ESRRG: variants seen among roughly 807,000 people sequenced by gnomAD.
ESRRG encodes the protein estrogen-related receptor gamma.
ESRRG carries 13 observed loss-of-function variants against 44.0 expected under a neutral mutation model. That is an observed-to-expected ratio of 0.30 (90% CI 0.19 to 0.47). The LOEUF (loss-of-function observed/expected upper bound fraction) is 0.47, where lower values mean the gene tolerates loss of function less well. ESRRG is among the 20% of genes least tolerant of loss of function. The pLI, the probability that ESRRG is intolerant of heterozygous loss-of-function variation, is 1.00. For synonymous variants in ESRRG, 215 were observed against 214.6 expected (o/e 1.00, Z -0.02); for missense variants, 395 against 580.6 (o/e 0.68, Z 3.29).
intron 3 of ESRRG, among the ~76,000 whole-genome samples, chr1:216,626,454 C>A (rs34784732): frequency 6.6e-6 from 1 of 152,190 alleles, no homozygotes; most frequent in Non-Finnish European, 1.5e-5. Context: ...TCTTCTAGCA[C>A]ACCATCCTGC....
intron 2 of ESRRG, among the ~76,000 whole-genome samples, chr1:216,885,083 T>G (rs968172588): frequency 3.3e-5 from 5 of 151,948 alleles, no homozygotes; most frequent in African/African-American, 1.2e-4. Context: ...CTATTCCAAG[T>G]AGGAGGAGAA....
At chr1:216,769,179 T>C (rs1238262399) in intron 2 of ESRRG, among the ~76,000 whole-genome samples, 1 of 151,692 alleles carries the variant, frequency 6.6e-6, no homozygotes, top group Non-Finnish European at 1.5e-5. Context: ...TTGAGGAGAG[T>C]GAAGACCATT....
chr1:216,849,153 T>C (rs2095804023), intron 2 of ESRRG, among the ~76,000 whole-genome samples: 1 of 152,196 alleles, frequency 6.6e-6, no homozygotes, highest in Non-Finnish European at 1.5e-5. Context: ...AAATAATCTC[T>C]AATCATTCTT....
chr1:216,932,015 C>T (rs2063421667), intron 2 of ESRRG, among the ~76,000 whole-genome samples: 1 of 151,994 alleles, frequency 6.6e-6, no homozygotes, highest in Admixed American at 6.6e-5. Context: ...ACCAGCCTGG[C>T]CAACATGGTG....
At chr1:216,991,023 C>T (rs1225099771) in intron 1 of ESRRG, among the ~76,000 whole-genome samples, 3 of 152,004 alleles carry the variant, frequency 2.0e-5, no homozygotes, top group Admixed American at 6.6e-5. Flanking sequence ...GAGGCGAGCA[C>T]TACCATCTGA....
chr1:216,942,732 T>C (rs1176760130), intron 1 of ESRRG, among the ~76,000 whole-genome samples: 2 of 152,202 alleles, frequency 1.3e-5, no homozygotes, highest in Non-Finnish European at 2.9e-5. Context: ...TGTCTGTTTA[T>C]GTTCTTAGCC....
At chr1:217,093,810 A>G (rs912529475), upstream of ESRRG, among the ~76,000 whole-genome samples, 8 of 151,644 alleles carry the variant, frequency 5.3e-5, no homozygotes, top group Admixed American at 1.3e-4. Flanking sequence ...ACACACATAT[A>G]AAAACCCTAC....
At chr1:216,975,639 A>G (rs564491077) in intron 1 of ESRRG, among the ~76,000 whole-genome samples, 1 of 152,354 alleles carries the variant, frequency 6.6e-6, no homozygotes, top group Non-Finnish European at 1.5e-5. Flanking sequence ...TTCAATTCTC[A>G]ACCTTTATAT....
chr1:216,831,764 A>G (rs2095491098), intron 2 of ESRRG, among the ~76,000 whole-genome samples: 1 of 152,192 alleles, frequency 6.6e-6, no homozygotes, highest in Admixed American at 6.5e-5. Flanking sequence ...AGGATTCCTG[A>G]TTACTAAGAC....
At chr1:216,689,806 G>A (rs1462214844) in intron 1 of ESRRG, among the ~76,000 whole-genome samples, 2 of 150,114 alleles carry the variant, frequency 1.3e-5, no homozygotes. Context: ...AGATTATACA[G>A]ATGAAAAAAC....
chr1:216,714,986 C>T (rs911047472), intron 1 of ESRRG: 1 of 638,250 alleles, frequency 1.6e-6, no homozygotes, highest in African/African-American at 2.0e-5. Context: ...TCTGCCTGAG[C>T]TTCTGTGCAT....
rs1051415816 is a variant in ESRRG, at chr1:216,614,151, G to C, written c.589+36822C>G. Among the ~76,000 whole-genome samples, 3 of 152,190 alleles carry C rather than the reference G, an allele frequency of 2.0e-5. No homozygotes were observed. In the East Asian group the frequency reaches 5.8e-4, roughly 29 times the overall value. On this transcript the variant is annotated intron_variant, in intron 3 of 6. Coordinates refer to ENST00000408911, the MANE Select transcript of ESRRG (RefSeq NM_001438.4). ...AAAACAGATCAGCAGTGCAGTGCAT[G>C]GGCAGGTGGCTCCCACCACCACTCT...
intron 5 of ESRRG, among the ~76,000 whole-genome samples, chr1:216,562,508 G>A (rs909647170): frequency 6.6e-6 from 1 of 151,940 alleles, no homozygotes; most frequent in South Asian, 2.1e-4. Context: ...AGGCTGGGGC[G>A]ATTTTATCTC....
chr1:216,702,843 G>A (rs538346939), intron 1 of ESRRG, among the ~76,000 whole-genome samples: 224 of 149,432 alleles, frequency 1.5e-3, no homozygotes, highest in African/African-American at 5.2e-3. Context: ...GTGAAATCAT[G>A]TACATGTGAA....
chr1:216,778,713 C>G (rs1190549961), intron 2 of ESRRG, among the ~76,000 whole-genome samples: 1 of 151,946 alleles, frequency 6.6e-6, no homozygotes. Flanking sequence ...CAAAATTGTA[C>G]TACTTGATTA....
intron 1 of ESRRG, among the ~76,000 whole-genome samples, chr1:217,118,458 C>G (rs1398395062): frequency 6.6e-6 from 1 of 152,022 alleles, no homozygotes; most frequent in Non-Finnish European, 1.5e-5. Context: ...TATGATTGGG[C>G]CATCAGTCAC....
intron 1 of ESRRG, among the ~76,000 whole-genome samples, chr1:216,681,304 A>G (rs1311904055): frequency 6.6e-6 from 1 of 152,100 alleles, no homozygotes; most frequent in Non-Finnish European, 1.5e-5. Context: ...TTATTTTATT[A>G]TTATTATACT....
chr1:216,541,998 T>C (rs947612485), intron 5 of ESRRG, among the ~76,000 whole-genome samples: 7 of 151,682 alleles, frequency 4.6e-5, no homozygotes, highest in African/African-American at 1.7e-4. Flanking sequence ...TGAACTGGCC[T>C]AAGATGTATT....
chr1:216,671,307 A>G (rs1425179216), intron 2 of ESRRG, among the ~76,000 whole-genome samples: 9 of 152,226 alleles, frequency 5.9e-5, no homozygotes, highest in African/African-American at 2.2e-4. Context: ...ATTTCCAGAC[A>G]GTTCACCTAA....
Sources: allele counts gnomAD v4.1 joint callset (sites outside exome capture counted in the v4.1 genomes callset), GRCh38; gene constraint gnomAD v4.1.1; transcripts MANE v1.5; gene names NCBI Gene and HGNC (gene_info 2026-07-23, HGNC 2026-07-21).